The following CRYBG1 variants were observed in gnomAD, a reference collection of about 807,000 sequenced individuals.
The protein encoded by CRYBG1 is beta/gamma crystallin domain-containing protein 1.
In CRYBG1, 139 loss-of-function variants were observed where a neutral mutation model predicts 189.2. That is an observed-to-expected ratio of 0.73 (90% CI 0.64 to 0.85). The LOEUF (loss-of-function observed/expected upper bound fraction) is 0.85, where lower values mean the gene tolerates loss of function less well. CRYBG1 is among the 40% of genes least tolerant of loss of function. The pLI, the probability that CRYBG1 is intolerant of heterozygous loss-of-function variation, is 0.00. For missense variants in CRYBG1, 2,611 were observed against 2,675.8 expected (o/e 0.98, Z 0.53); for synonymous variants, 1,023 against 1,017.1 (o/e 1.01, Z -0.11).
At chr6:106,508,832 G>T (rs1387506920) in intron 2 of CRYBG1, among the ~76,000 whole-genome samples, 1 of 151,902 alleles carries the variant, frequency 6.6e-6, no homozygotes, top group South Asian at 2.1e-4. Context: ...TGATAAACAG[G>T]CTGCCCCTCT....
At chr6:106,452,456 G>A (rs1327609089) in intron 2 of CRYBG1, among the ~76,000 whole-genome samples, 4 of 150,032 alleles carry the variant, frequency 2.7e-5, no homozygotes, top group African/African-American at 7.3e-5. Context: ...CTTAATAAAT[G>A]AACTTGACTC....
intron 1 of CRYBG1, among the ~76,000 whole-genome samples, chr6:106,409,951 A>T (rs2114369776): frequency 6.6e-6 from 1 of 152,334 alleles, no homozygotes; most frequent in South Asian, 2.1e-4. Context: ...TACCATCGGG[A>T]CATAGGCATG....
chr6:106,554,837 C>T (rs1192239648), intron 16 of CRYBG1, among the ~76,000 whole-genome samples: 3 of 152,060 alleles, frequency 2.0e-5, no homozygotes, highest in Non-Finnish European at 4.4e-5. Context: ...AAGTACCTGA[C>T]ACATAATCCT....
rs1402335470 is a variant in CRYBG1 at position 106,519,651 on chromosome 6, AAGG to A, written c.2448_2450del (p.Glu816del). ...TGTCAAGGATCATAAGCTCTTAGAGAAGGAGGACTCAGAGGCTGCAGACAGCAA... is the reference window on the plus strand; with the variant it reads ...TGTCAAGGATCATAAGCTCTTAGAGAAGGACTCAGAGGCTGCAGACAGCAA... On this transcript the variant is annotated inframe_deletion, in exon 4 of 22. Transcript: ENST00000633556. 8.1e-6 allele frequency: 13 copies of A among 1,614,028 alleles called. No homozygotes were observed. The highest frequency in any genetic ancestry group is 1.3e-5 in the African/African-American group (1 of 74,928).
chr6:106,496,490 C>A (rs1217229119), intron 2 of CRYBG1, among the ~76,000 whole-genome samples: 1 of 151,032 alleles, frequency 6.6e-6, no homozygotes, highest in Non-Finnish European at 1.5e-5. Context: ...GACTTAAAAC[C>A]TTTTTTGAAA....
chr6:106,504,968 G>A (rs370641468), intron 2 of CRYBG1, among the ~76,000 whole-genome samples: 2 of 151,846 alleles, frequency 1.3e-5, no homozygotes, highest in African/African-American at 4.8e-5. Flanking sequence ...AAAGAATCAT[G>A]TCTCATAAAA....
rs1003546326 is a variant in CRYBG1, at chr6:106,384,902, A to G, written c.173+23821A>G. Among the ~76,000 whole-genome samples, 10 of 86,884 alleles carry G rather than the reference A, an allele frequency of 1.2e-4. 1 individual carries two copies. Among genetic ancestry groups the G allele is most frequent in the Non-Finnish European group, 2.7e-5 (1 of 36,622 alleles). 57.0% of individuals were successfully genotyped at this position (86,884 alleles called of 152,430 possible). Reference sequence around the variant, plus strand: ...TTGTGTTTGGGGTGCAGTCTCTTTCAAAATCTCTGCTAATGTTTGAAACAT... The same window carrying G: ...TTGTGTTTGGGGTGCAGTCTCTTTCGAAATCTCTGCTAATGTTTGAAACAT... On this transcript the variant is annotated intron_variant, in intron 1 of 21. Transcript: ENST00000633556.
At chr6:106,465,204 A>G (rs980163526) in intron 2 of CRYBG1, among the ~76,000 whole-genome samples, 2 of 152,220 alleles carry the variant, frequency 1.3e-5, no homozygotes, top group African/African-American at 4.8e-5. Context: ...TTGCCTCTCC[A>G]GGGCGGGGAA....
At position 106,519,274 on chromosome 6, in the gene CRYBG1, C is replaced by A; in HGVS notation, c.2066C>A (p.Thr689Lys). 1.2e-6 allele frequency: 2 copies of A among 1,614,090 alleles called. No individual in the cohort carries two copies. Among genetic ancestry groups the A allele is most frequent in the Middle Eastern group, 3.3e-4 (2 of 6,062 alleles). ...ATCTCCTTATTTGAAAACAAACGGA[C>A]AAACAGTAGCCCAAGACACACTGAC... The part of the protein sequence containing the change: ...TKISLFENKR[T>K]NSSPRHTDIR... Residue 689 changes from threonine to lysine, a missense_variant, in exon 4 of 22, where the codon ACA becomes AAA. By Grantham distance (78) the Thr-to-Lys change is moderately conservative (BLOSUM62 -1). Around this residue, in one of 3 missense-constraint regions of CRYBG1, gnomAD observed 1,622 missense variants for 1,735.0 expected, o/e 0.93. Transcript: ENST00000633556.
At chr6:106,433,736 C>CGT (rs1554235113) in intron 1 of CRYBG1, among the ~76,000 whole-genome samples, 1 of 27,656 alleles carries the variant, frequency 3.6e-5, no homozygotes. Context: ...TATATATATA[C>CGT]ATATATATGT....
At chr6:106,510,294 G>T (rs562415031) in intron 2 of CRYBG1, among the ~76,000 whole-genome samples, 6 of 152,124 alleles carry the variant, frequency 3.9e-5, no homozygotes, top group Non-Finnish European at 7.4e-5. Context: ...TCCCAGGCTC[G>T]CCTCCTCCTC....
rs1308419258 is a variant in CRYBG1, at chr6:106,519,733, T to G, written c.2525T>G (p.Val842Gly). ...TDTAQDIPTT[V>G]DTKDLPPTAM... The stretch of plus-strand genomic sequence containing the variant: ...ACAGCACAAGACATCCCCACCACTG[T>G]GGATACCAAAGATTTACCTCCAACG... The change falls in exon 4 of 22, where the codon GTG becomes GGG. Residue 842 changes from valine (V) to glycine (G), a missense_variant. This residue lies in a region of CRYBG1 where 1,622 missense variants were observed against 1,735.0 expected (regional missense o/e 0.93). Coordinates refer to ENST00000633556, the MANE Select transcript of CRYBG1 (RefSeq NM_001371242.2). The G allele has an allele frequency of 6.2e-7, 1 of 1,614,188 alleles. No individual in the cohort carries two copies. The highest frequency in any genetic ancestry group is 2.2e-5 in the East Asian group (1 of 44,892).
chr6:106,538,590 G>T (rs1774056836), intron 8 of CRYBG1, among the ~76,000 whole-genome samples: 1 of 152,060 alleles, frequency 6.6e-6, no homozygotes, highest in African/African-American at 2.4e-5. Context: ...GAGAAAAATT[G>T]CCATCACAAA....
intron 1 of CRYBG1, among the ~76,000 whole-genome samples, chr6:106,409,491 T>C (rs994180406): frequency 6.6e-6 from 1 of 151,852 alleles, no homozygotes; most frequent in Non-Finnish European, 1.5e-5. Context: ...CAAGTTACCA[T>C]TGACTTTCTT....
At chr6:106,503,315 C>G (rs562174848) in intron 2 of CRYBG1, among the ~76,000 whole-genome samples, 1 of 152,328 alleles carries the variant, frequency 6.6e-6, no homozygotes, top group Non-Finnish European at 1.5e-5. Context: ...CCAGCACACT[C>G]TATCTACAAT....
intron 1 of CRYBG1, among the ~76,000 whole-genome samples, chr6:106,391,808 T>C (rs374963740): frequency 6.6e-6 from 1 of 152,162 alleles, no homozygotes; most frequent in African/African-American, 2.4e-5. Context: ...AGAGCTCCCC[T>C]CAGCTCTGCC....
intron 1 of CRYBG1, chr6:106,449,548 T>C (rs1771737250): frequency 6.6e-6 from 1 of 152,236 alleles, no homozygotes; most frequent in South Asian, 2.1e-4. Flanking sequence ...TTGGCATATT[T>C]GTGAGCAGAA....
At chr6:106,528,141 C>T (rs1309691581) in intron 7 of CRYBG1, among the ~76,000 whole-genome samples, 1 of 152,168 alleles carries the variant, frequency 6.6e-6, no homozygotes, top group Non-Finnish European at 1.5e-5. Context: ...AACATTCTTA[C>T]ATGAGAATGA....
chr6:106,460,880 A>G (rs1771996892), intron 2 of CRYBG1, among the ~76,000 whole-genome samples: 1 of 152,180 alleles, frequency 6.6e-6, no homozygotes, highest in Non-Finnish European at 1.5e-5. Flanking sequence ...TCTGCCTGCC[A>G]GGTTCAAGTG....
Sources: allele counts gnomAD v4.1 joint callset (sites outside exome capture counted in the v4.1 genomes callset), GRCh38; gene constraint gnomAD v4.1.1; regional missense constraint gnomAD v4.1.1; transcripts MANE v1.5; gene names NCBI Gene and HGNC (gene_info 2026-07-23, HGNC 2026-07-21).